The following ATRN variants were observed in gnomAD, a reference collection of about 807,000 sequenced individuals.
The protein encoded by ATRN is attractin, also known as attractin-2.
A neutral mutation model predicts 178.7 loss-of-function variants in ATRN; 54 were observed. The observed-to-expected ratio is 0.30, with a 90% confidence interval of 0.24 to 0.38. The LOEUF (loss-of-function observed/expected upper bound fraction) is 0.38. ATRN is among the 10% of genes least tolerant of loss of function. The pLI is 1.00. For synonymous variants in ATRN, 636 were observed against 663.0 expected (o/e 0.96, Z 0.63); for missense variants, 1,443 against 1,815.1 (o/e 0.79, Z 3.73).
chr20:3,547,558 T>A (rs2085724339), intron 5 of ATRN, 69 bp downstream of exon 5: 2 of 1,267,438 alleles, frequency 1.6e-6, no homozygotes, highest in Non-Finnish European at 2.2e-6. Flanking sequence ...AATTATAGAT[T>A]GACTTTATTC....
chr20:3,503,967 A>G (rs951995575), intron 1 of ATRN, among the ~76,000 whole-genome samples: 1 of 152,214 alleles, frequency 6.6e-6, no homozygotes, highest in Non-Finnish European at 1.5e-5. Flanking sequence ...GCCAGAGAGA[A>G]ATGATGCATT....
At chr20:3,536,787 A>G (rs187172539) in intron 2 of ATRN, among the ~76,000 whole-genome samples, 2 of 152,332 alleles carry the variant, frequency 1.3e-5, no homozygotes, top group East Asian at 1.9e-4. Flanking sequence ...GAAGCGTGTC[A>G]AGAAGATGAG....
chr20:3,578,747 G>C lies in ATRN; in HGVS notation c.2519G>C (p.Arg840Pro). The change falls in exon 15 of 29, where the codon CGA (arginine) becomes CCA (proline). Residue 840 changes from arginine (R) to proline (P), a missense_variant. Physicochemically the swap from Arg to Pro is moderately radical, Grantham distance 103. This residue lies in a region of ATRN where 212 missense variants were observed against 330.7 expected (regional missense o/e 0.64). Coordinates refer to ENST00000262919, the MANE Select transcript of ATRN (RefSeq NM_139321.3). Reference protein sequence around the residue: ...KKVEFVLKQLRIMQSSQSMSK... With the variant: ...KKVEFVLKQLPIMQSSQSMSK... ...GTAGAATTTGTCCTTAAGCAGCTGCGAATAATGCAGTCATCTCAGAGCATG... is the reference window on the plus strand; with the variant it reads ...GTAGAATTTGTCCTTAAGCAGCTGCCAATAATGCAGTCATCTCAGAGCATG... 6.2e-7 allele frequency: 1 copy of C among 1,613,004 alleles called. No individual in the cohort carries two copies. The highest frequency in any genetic ancestry group is 8.5e-7 in the Non-Finnish European group (1 of 1,179,670).
chr20:3,617,560 T>G (rs985880584), intron 24 of ATRN, among the ~76,000 whole-genome samples: 1 of 152,162 alleles, frequency 6.6e-6, no homozygotes, highest in Non-Finnish European at 1.5e-5. Flanking sequence ...AGCTCATGTC[T>G]GTAATCCCAG....
In ATRN at chr20:3,632,198, TCACACCTCTGCTTC is replaced by T. The variant is rs1313914256; in HGVS notation, c.3864-2108_3864-2095del. On this transcript the variant is annotated intron_variant, in intron 25 of 28. Transcript: ENST00000262919. This position sits in a 1 kb window ranked among gnomAD's most constrained non-coding sequence, Gnocchi z 4.2. Reference sequence around the variant, plus strand: ...ATATGTCCAGATTCCAAAGTGCTTTTCACACCTCTGCTTCCACAGCTCTGGTTTGAGCCACCATC... The same window carrying T: ...ATATGTCCAGATTCCAAAGTGCTTTTCACAGCTCTGGTTTGAGCCACCATC... Among the ~76,000 whole-genome samples, 1 of 152,212 alleles carries T rather than the reference TCACACCTCTGCTTC, an allele frequency of 6.6e-6. No individual in the cohort carries two copies. Among genetic ancestry groups the T allele is most frequent in the African/African-American group, 2.4e-5 (1 of 41,452 alleles).
intron 6 of ATRN, among the ~76,000 whole-genome samples, chr20:3,558,534 C>G (rs1006220287): frequency 1.5e-5 from 1 of 64,642 alleles, no homozygotes; most frequent in African/African-American, 4.9e-5. Context: ...AATATCATTT[C>G]TTTTTGTTTT....
intron 27 of ATRN, among the ~76,000 whole-genome samples, chr20:3,639,187 T>G (rs2087048037): frequency 6.6e-6 from 1 of 152,236 alleles, no homozygotes. Flanking sequence ...GCTTTTCTTT[T>G]AAGTATTCTG....
At chr20:3,591,478 G>A (rs912003929) in intron 19 of ATRN, among the ~76,000 whole-genome samples, 172 bp downstream of exon 19, 4 of 152,260 alleles carry the variant, frequency 2.6e-5, no homozygotes, top group African/African-American at 9.6e-5. Flanking sequence ...CAAGGTTTCA[G>A]TGTAGCTGGT....
chr20:3,507,486 TG>T (rs1238074574), intron 1 of ATRN, among the ~76,000 whole-genome samples: 19 of 151,572 alleles, frequency 1.3e-4, no homozygotes, highest in Admixed American at 1.2e-3. Context: ...GTTTGAATGA[TG>T]TGGGACACAG....
At chr20:3,513,730 G>T (rs531690488) in intron 1 of ATRN, among the ~76,000 whole-genome samples, 1 of 152,274 alleles carries the variant, frequency 6.6e-6, no homozygotes, top group South Asian at 2.1e-4. Context: ...CATGAGCATG[G>T]AATGTTCTTC....
At chr20:3,513,457 C>T (rs917825756) in intron 1 of ATRN, among the ~76,000 whole-genome samples, 13 of 152,200 alleles carry the variant, frequency 8.5e-5, no homozygotes, top group African/African-American at 2.4e-4. Context: ...TGTTCTGTTC[C>T]GTTGGTCTAA....
chr20:3,634,750 T>C (rs965083775), intron 26 of ATRN, among the ~76,000 whole-genome samples: 2 of 152,210 alleles, frequency 1.3e-5, no homozygotes, highest in African/African-American at 4.8e-5. Flanking sequence ...ACCGCCTTCA[T>C]GAGAACTTGT....
rs1358908992 is a variant in ATRN, at chr20:3,545,765, C to T, written c.612C>T (p.Gly204=). 5 of 1,613,562 alleles carry T rather than the reference C, an allele frequency of 3.1e-6. No individual in the cohort carries two copies. Among genetic ancestry groups the T allele is most frequent in the Non-Finnish European group, 4.2e-6 (5 of 1,179,768 alleles). ...IYAPLVAAFS[G]LIVPERDGNE... is the part of the protein sequence containing the mutation. ...AAGAAGTGTGTTTTCATTTCAGTGG[C>T]CTCATTGTTCCTGAGAGAGATGGCA... Residue 204 remains glycine, a synonymous_variant, in exon 4 of 29, where the codon GGC becomes GGT. Coordinates refer to ENST00000262919, the MANE Select transcript of ATRN (RefSeq NM_139321.3).
At chr20:3,619,151 G>A (rs775316163) in intron 24 of ATRN, among the ~76,000 whole-genome samples, 11 of 152,182 alleles carry the variant, frequency 7.2e-5, no homozygotes, top group Admixed American at 1.3e-4. Flanking sequence ...GCCTTGAAGC[G>A]GAAAGACTTC....
chr20:3,539,700 T>A (rs1040938004), intron 2 of ATRN, among the ~76,000 whole-genome samples: 1 of 152,112 alleles, frequency 6.6e-6, no homozygotes, highest in African/African-American at 2.4e-5. Context: ...TGGTGTGGTA[T>A]AGAAGTTTGG....
chr20:3,521,787 A>G (rs2085300128), intron 1 of ATRN, among the ~76,000 whole-genome samples: 2 of 152,074 alleles, frequency 1.3e-5, no homozygotes, highest in East Asian at 1.9e-4. Context: ...ACCATATGTC[A>G]TGTGTTCTGT....
chr20:3,580,384 G>T (rs769435201), intron 15 of ATRN, among the ~76,000 whole-genome samples: 1 of 152,178 alleles, frequency 6.6e-6, no homozygotes, highest in Non-Finnish European at 1.5e-5. Context: ...CTGTGGCCAC[G>T]TTTATGAAAC....
chr20:3,479,087 C>T (rs1341557494), intron 1 of ATRN, among the ~76,000 whole-genome samples: 1 of 152,028 alleles, frequency 6.6e-6, no homozygotes, highest in Non-Finnish European at 1.5e-5. Flanking sequence ...GATGAGGTCT[C>T]ACTATGTTGC....
intron 3 of ATRN, among the ~76,000 whole-genome samples, chr20:3,541,983 C>T (rs1057114140): frequency 5.3e-5 from 8 of 152,150 alleles, no homozygotes; most frequent in Admixed American, 2.6e-4. Context: ...GTTGTGCCCT[C>T]GTGTTTTTCT....
Sources: gnomAD v4.1 joint callset for allele counts (sites outside exome capture counted in the v4.1 genomes callset) on GRCh38, gnomAD v4.1.1 for gene constraint, gnomAD v4.1.1 regional missense constraint, Gnocchi (gnomAD v3.1) non-coding constraint, MANE v1.5 for transcripts, NCBI Gene and HGNC (gene_info 2026-07-23, HGNC 2026-07-21) for gene names.